Variants in ALPK2 observed in about 807,000 individuals in gnomAD.
ALPK2 encodes the protein alpha-protein kinase 2.
A neutral mutation model predicts 163.1 loss-of-function variants in ALPK2; 127 were observed. The observed-to-expected ratio is 0.78, with a 90% confidence interval of 0.67 to 0.90. ALPK2 has a LOEUF of 0.90. ALPK2 is among the 40% of genes least tolerant of loss of function. ALPK2 has a pLI of 0.00. For synonymous variants in ALPK2, 953 were observed against 959.1 expected, an observed-to-expected ratio of 0.99 and a Z score of 0.12; for missense variants, 2,360 against 2,589.6, an observed-to-expected ratio of 0.91 and a Z score of 1.92.
At chr18:58,586,172 T>G (rs552188014) in intron 3 of ALPK2, among the ~76,000 whole-genome samples, 1 of 152,232 alleles carries the variant, frequency 6.6e-6, no homozygotes, top group Non-Finnish European at 1.5e-5. Context: ...TATTATAAAC[T>G]GTTAAGCTTT....
chr18:58,506,823 T>C (rs2051464278), intron 10 of ALPK2, among the ~76,000 whole-genome samples: 1 of 152,220 alleles, frequency 6.6e-6, no homozygotes, highest in Admixed American at 6.5e-5. Context: ...GGGGCCGTCC[T>C]GTGCACGTAG....
Position 58,580,126 on chromosome 18 carries a change from A to G in ALPK2, c.650T>C (p.Phe217Ser). 6.2e-7 allele frequency: 1 copy of G among 1,614,230 alleles called. No homozygotes were observed. The highest frequency in any genetic ancestry group is 2.2e-5 in the East Asian group (1 of 44,888). Reference sequence around the variant, plus strand: ...TTCATAAATATGACTTGAATTAAGAAAAAGCAACCCATTTGCAATTTCTTC... The same window carrying G: ...TTCATAAATATGACTTGAATTAAGAGAAAGCAACCCATTTGCAATTTCTTC... ...NTEEIANGLL[F>S]LNSSHIYEKQ... The change falls in exon 4 of 13, where the codon TTT (phenylalanine) becomes TCT (serine). Residue 217 changes from phenylalanine to serine, a missense_variant. Coordinates refer to ENST00000361673, the MANE Select transcript of ALPK2 (RefSeq NM_052947.4).
intron 4 of ALPK2, among the ~76,000 whole-genome samples, chr18:58,573,999 T>C (rs1602224796): frequency 6.6e-6 from 1 of 152,128 alleles, no homozygotes; most frequent in Admixed American, 6.5e-5. Flanking sequence ...CTCTCAGAGA[T>C]AGACAGAGGC....
chr18:58,595,959 A>G (rs975634890), intron 3 of ALPK2, among the ~76,000 whole-genome samples: 1 of 152,120 alleles, frequency 6.6e-6, no homozygotes, highest in Non-Finnish European at 1.5e-5. Flanking sequence ...GGTGACTCCA[A>G]CGTTTCCATC....
At chr18:58,551,650 TCA>T (rs1231648467) in intron 4 of ALPK2, among the ~76,000 whole-genome samples, 1 of 152,190 alleles carries the variant, frequency 6.6e-6, no homozygotes, top group Non-Finnish European at 1.5e-5. Flanking sequence ...TGAAGCATAG[TCA>T]CTTGACTGGG....
Position 58,578,733 on chromosome 18 carries a change from GACACACACACAC to G in ALPK2, c.1962+69_1962+80del, listed in dbSNP as rs71173065. The G allele has an allele frequency of 7.9e-5, 42 of 533,288 alleles. No individual in the cohort carries two copies. The Admixed American group carries it at 9.9e-4, about 13-fold the overall frequency. 33.0% of individuals were successfully genotyped at this position (533,288 alleles called of 1,614,324 possible). ...ATTGTGAATGTGAAGTAAAGGAAGA[GACACACACACAC>G]ACACACACACACACACACACACACA... On this transcript the variant is annotated intron_variant, in intron 4 of 12. Coordinates refer to ENST00000361673, the MANE Select transcript of ALPK2 (RefSeq NM_052947.4).
chr18:58,495,143 C>G (rs1023748300), intron 12 of ALPK2, among the ~76,000 whole-genome samples: 2 of 152,166 alleles, frequency 1.3e-5, no homozygotes, highest in Non-Finnish European at 2.9e-5. Context: ...CTAAAGAGGT[C>G]TCTCAACCAC....
chr18:58,613,708 AAAT>A (rs147174781), intron 1 of ALPK2, among the ~76,000 whole-genome samples: 42,455 of 94,528 alleles, frequency 0.45, 7,004 homozygotes, highest in East Asian at 0.59. Context: ...CAAAAAAAAA[AAAT>A]AATAATAATA....
At chr18:58,596,705 C>T (rs2052043037) in intron 3 of ALPK2, among the ~76,000 whole-genome samples, 1 of 152,238 alleles carries the variant, frequency 6.6e-6, no homozygotes, top group Non-Finnish European at 1.5e-5. Flanking sequence ...AAATCATTTC[C>T]CCCAGTTCAG....
Position 58,535,950 on chromosome 18 carries a change from C to G in ALPK2, c.4237G>C (p.Glu1413Gln). The G allele has an allele frequency of 6.2e-7, 1 of 1,614,216 alleles. No individual in the cohort carries two copies. Among genetic ancestry groups the G allele is most frequent in the East Asian group, 2.2e-5 (1 of 44,886 alleles). The change falls in exon 5 of 13, where the codon GAG becomes CAG. Residue 1413 changes from glutamate to glutamine, a missense_variant. Transcript: ENST00000361673. Reference protein sequence around the residue: ...VDPIDEISVIEYTRAGKPEPS... With the variant: ...VDPIDEISVIQYTRAGKPEPS... ...TCTGGTTTTCCAGCCCTGGTGTACT[C>G]TATCACACTTATCTCATCAATGGGA...
intron 8 of ALPK2, among the ~76,000 whole-genome samples, chr18:58,519,701 G>A (rs2051539649): frequency 6.6e-6 from 1 of 152,120 alleles, no homozygotes; most frequent in Non-Finnish European, 1.5e-5. Context: ...TGAAAATCCT[G>A]CAGAGCAAGA....
intron 3 of ALPK2, among the ~76,000 whole-genome samples, chr18:58,594,466 A>G (rs2052031477): frequency 1.3e-5 from 2 of 152,148 alleles, no homozygotes. Flanking sequence ...ATACCAAAAC[A>G]ATCTTAAGTT....
At chr18:58,612,073 AT>A (rs1344742684) in intron 1 of ALPK2, among the ~76,000 whole-genome samples, 1 of 152,166 alleles carries the variant, frequency 6.6e-6, no homozygotes, top group Non-Finnish European at 1.5e-5. Flanking sequence ...CCAGATGCCA[AT>A]AGCACCCCCA....
At chr18:58,503,707 AT>A (rs974222111) in intron 11 of ALPK2, among the ~76,000 whole-genome samples, 9 of 152,024 alleles carry the variant, frequency 5.9e-5, no homozygotes, top group Non-Finnish European at 1.3e-4. Flanking sequence ...CCCCCCTAGA[AT>A]TTTTTTAAAT....
chr18:58,589,570 T>G (rs1470539681), intron 3 of ALPK2, among the ~76,000 whole-genome samples: 2 of 152,200 alleles, frequency 1.3e-5, no homozygotes, highest in Non-Finnish European at 2.9e-5. Flanking sequence ...TATTTTTTTC[T>G]AGCTACCAGC....
chr18:58,535,562 G>C lies in ALPK2; in HGVS notation c.4625C>G (p.Ser1542Cys). Residue 1542 changes from serine to cysteine, a missense_variant, in exon 5 of 13, where the codon TCT (serine) becomes TGT (cysteine). Ser to Cys is a moderately radical substitution (Grantham distance 112). Transcript: ENST00000361673. ...AELISPTSPLSSCLPIMTHAS... is the reference protein window; with the variant it reads ...AELISPTSPLCSCLPIMTHAS... ...GTGAGTCATTATTGGAAGACAACTA[G>C]AAAGAGGTGAAGTGGGGGAAATCAA... is the stretch of plus-strand genomic sequence containing the variant. 1 of 1,614,224 alleles carries C rather than the reference G, an allele frequency of 6.2e-7. No individual in the cohort carries two copies. Among genetic ancestry groups the C allele is most frequent in the East Asian group, 2.2e-5 (1 of 44,878 alleles).
intron 4 of ALPK2, among the ~76,000 whole-genome samples, chr18:58,556,427 C>T (rs952361255): frequency 7.9e-5 from 12 of 152,200 alleles, no homozygotes; most frequent in Admixed American, 1.3e-4. Flanking sequence ...CGCTTCCTGA[C>T]GTAGAGCCTG....
chr18:58,592,006 CA>C (rs1002187838), intron 3 of ALPK2, among the ~76,000 whole-genome samples: 7 of 152,136 alleles, frequency 4.6e-5, no homozygotes, highest in Admixed American at 3.9e-4. Flanking sequence ...CACTGGGAAG[CA>C]AATAAAATAG....
Position 58,535,423 on chromosome 18 carries a change from C to T in ALPK2, c.4764G>A (p.Arg1588=). 6.2e-7 allele frequency: 1 copy of T among 1,614,156 alleles called. No homozygotes were observed. The highest frequency in any genetic ancestry group is 2.2e-5 in the East Asian group (1 of 44,894). Residue 1588 remains arginine (R), a synonymous_variant, in exon 5 of 13, where the codon AGG becomes AGA. Transcript: ENST00000361673. ...TCCCACGCTCATTCTCAATAGTTCC[C>T]CTTTTCTGTGAAACAGGAAACACAT... is the stretch of plus-strand genomic sequence containing the variant. ...RQYVFPVSQK[R]GTIENERGKP... is the part of the protein sequence containing the mutation.
Sources: allele counts gnomAD v4.1 joint callset (sites outside exome capture counted in the v4.1 genomes callset), GRCh38; gene constraint gnomAD v4.1.1; transcripts MANE v1.5; gene names NCBI Gene and HGNC (gene_info 2026-07-23, HGNC 2026-07-21).